Variants in SRGAP3 observed in about 807,000 individuals in gnomAD.
The protein encoded by SRGAP3 is SLIT-ROBO Rho GTPase-activating protein 3.
A neutral mutation model predicts 121.1 loss-of-function variants in SRGAP3; 39 were observed. The observed-to-expected ratio is 0.32, with a 90% CI of 0.25 to 0.42. The LOEUF is 0.42. Ranked by LOEUF, SRGAP3 falls within the 10% of genes least tolerant of loss-of-function variation. The pLI, the probability that SRGAP3 is intolerant of heterozygous loss-of-function variation, is 1.00. For missense variants in SRGAP3, 1,213 were observed against 1,470.6 expected, an observed-to-expected ratio of 0.82 and a Z score of 2.86; for synonymous variants, 601 against 570.0, an observed-to-expected ratio of 1.05 and a Z score of -0.77.
chr3:8,994,309 C>A (rs779319496), intron 19 of SRGAP3, 34 bp downstream of exon 19: 1 of 1,612,338 alleles, frequency 6.2e-7, no homozygotes, highest in Non-Finnish European at 8.5e-7. Context: ...TAATCTATTT[C>A]GGCATTCTTC....
chr3:9,113,423 C>T (rs1397534883), intron 2 of SRGAP3, among the ~76,000 whole-genome samples: 1 of 152,158 alleles, frequency 6.6e-6, no homozygotes, highest in African/African-American at 2.4e-5. Flanking sequence ...TCTCTGTGCC[C>T]AAAGTTCCTT....
At chr3:9,278,312 G>C (rs1338676960) in intron 3 of SRGAP3, among the ~76,000 whole-genome samples, 2 of 152,108 alleles carry the variant, frequency 1.3e-5, no homozygotes, top group African/African-American at 4.8e-5. Context: ...AAAAGCAAGG[G>C]ACAAGAGGCC....
At chr3:9,307,867 G>C (rs1314282854) in intron 3 of SRGAP3, among the ~76,000 whole-genome samples, 1 of 152,178 alleles carries the variant, frequency 6.6e-6, no homozygotes, top group Non-Finnish European at 1.5e-5. Flanking sequence ...AAAAAGTTAG[G>C]CCACAGGCTG....
chr3:9,206,366 A>C (rs1952265807), intron 1 of SRGAP3, among the ~76,000 whole-genome samples: 1 of 152,206 alleles, frequency 6.6e-6, no homozygotes, highest in Admixed American at 6.5e-5. Flanking sequence ...CTGGTGCGGA[A>C]GCTCAGGGAG....
At chr3:9,213,020 G>C (rs986776776) in intron 1 of SRGAP3, among the ~76,000 whole-genome samples, 1 of 152,138 alleles carries the variant, frequency 6.6e-6, no homozygotes, top group African/African-American at 2.4e-5. Flanking sequence ...TCCATGCCGG[G>C]GCAAATTGCT....
chr3:9,276,679 C>T (rs1371744582), intron 3 of SRGAP3, among the ~76,000 whole-genome samples: 2 of 152,200 alleles, frequency 1.3e-5, no homozygotes, highest in Non-Finnish European at 1.5e-5. Flanking sequence ...CCCACCTTGG[C>T]CTCCCAAAGT....
rs112315005 is a variant in SRGAP3 at position 9,008,741 on chromosome 3, C to T, written c.2227+1567G>A. 7.6e-3 allele frequency among the ~76,000 whole-genome samples: 1,150 copies of T among 152,284 alleles called. 21 individuals are homozygous for T. Among genetic ancestry groups the T allele is most frequent in the African/African-American group, 0.027 (1,104 of 41,558 alleles). Reference sequence around the variant, plus strand: ...AGGAGTCTGATCAAGCTGAACGTGACATCTGGATTTGCTTTTCTGTTCCTG... The same window carrying T: ...AGGAGTCTGATCAAGCTGAACGTGATATCTGGATTTGCTTTTCTGTTCCTG... On this transcript the variant is annotated intron_variant, in intron 18 of 21. Coordinates refer to ENST00000383836, the MANE Select transcript of SRGAP3 (RefSeq NM_014850.4).
At chr3:9,072,620 A>C (rs1946772750) in intron 4 of SRGAP3, among the ~76,000 whole-genome samples, 1 of 152,228 alleles carries the variant, frequency 6.6e-6, no homozygotes. Flanking sequence ...CTTCCAGGGC[A>C]CAGTGGCATG....
chr3:9,249,029 GGTAATCA>G lies in SRGAP3; in HGVS notation c.-85_-79del. 7.9e-6 allele frequency: 11 copies of G among 1,398,512 alleles called. No homozygotes were observed. The highest frequency in any genetic ancestry group is 1.0e-5 in the Non-Finnish European group (10 of 985,526). The allele number at this position is 1,398,512 out of a possible 1,614,324, so 86.6% of individuals were successfully genotyped here. A position where few individuals can be genotyped will look rare whatever the true frequency, so the allele number is the denominator to read the frequency against. On this transcript the variant is annotated 5_prime_UTR_variant, in exon 1 of 22. Transcript: ENST00000383836. ...CTTTTCGAGTCCTCTCTCAAGCCCT[GGTAATCA>G]CACAGCTCTGGTCGATTTCACAGGT...
intron 3 of SRGAP3, among the ~76,000 whole-genome samples, chr3:9,093,014 G>A (rs1202144150): frequency 1.3e-5 from 2 of 152,158 alleles, no homozygotes; most frequent in Non-Finnish European, 2.9e-5. Context: ...AACTATGGTT[G>A]AGGGTAAGAT....
chr3:9,065,007 C>T (rs2125211710), intron 4 of SRGAP3, among the ~76,000 whole-genome samples: 1 of 152,308 alleles, frequency 6.6e-6, no homozygotes, highest in South Asian at 2.1e-4. Context: ...GTGACTGTGG[C>T]ATCCCTCCGT....
At chr3:9,132,701 T>C (rs146101999) in intron 1 of SRGAP3, among the ~76,000 whole-genome samples, 1 of 152,340 alleles carries the variant, frequency 6.6e-6, no homozygotes, top group African/African-American at 2.4e-5. Flanking sequence ...AATAAAGCTG[T>C]TATGAACATC....
chr3:9,185,578 C>T (rs1232803035), intron 1 of SRGAP3, among the ~76,000 whole-genome samples: 1 of 151,852 alleles, frequency 6.6e-6, no homozygotes, highest in East Asian at 1.9e-4. Context: ...GTCACCCAGG[C>T]TGGAGTGCAG....
chr3:9,347,575 C>G (rs181623692), intron 1 of SRGAP3, among the ~76,000 whole-genome samples: 1 of 152,288 alleles, frequency 6.6e-6, no homozygotes, highest in African/African-American at 2.4e-5. Context: ...AGCCACTGAC[C>G]TGCAGATTCA....
chr3:9,349,120 G>C (rs2029923024), intron 1 of SRGAP3: 1 of 825,262 alleles, frequency 1.2e-6, no homozygotes, highest in East Asian at 2.6e-5. Context: ...AACCCATACA[G>C]TTCCTGGGGG....
intron 1 of SRGAP3, among the ~76,000 whole-genome samples, chr3:9,221,286 T>G (rs1318348034): frequency 1.3e-5 from 2 of 152,220 alleles, no homozygotes; most frequent in Admixed American, 6.5e-5. Context: ...ATTCCAGCCC[T>G]TTGGGAGGCT....
chr3:9,234,455 T>G (rs1049753253), intron 1 of SRGAP3, among the ~76,000 whole-genome samples: 3 of 152,292 alleles, frequency 2.0e-5, no homozygotes, highest in African/African-American at 7.2e-5. Flanking sequence ...TCCATTCTTT[T>G]GTGTCCCTGA....
intron 3 of SRGAP3, among the ~76,000 whole-genome samples, chr3:9,265,213 A>T (rs1028673447): frequency 6.6e-5 from 10 of 152,338 alleles, no homozygotes; most frequent in African/African-American, 2.2e-4. Context: ...CACCTTATAC[A>T]AAAATTAACT....
rs528939544 is a variant in SRGAP3, at chr3:9,255,830, A to G, written n.442+70180T>C. Among the ~76,000 whole-genome samples the G allele has an allele frequency of 8.5e-5, 13 of 152,296 alleles. No individual in the cohort carries two copies. The South Asian group carries it at 2.5e-3, about 29-fold the overall frequency. On this transcript the variant is annotated intron_variant and non_coding_transcript_variant, in intron 3 of 3. Transcript: ENST00000490889. Reference sequence around the variant, plus strand: ...AAATTATCCAGCCTTGATACTTATAAAGCATCTTCTCATTTAGTATCATGA... The same window carrying G: ...AAATTATCCAGCCTTGATACTTATAGAGCATCTTCTCATTTAGTATCATGA...
Sources: allele counts gnomAD v4.1 joint callset (sites outside exome capture counted in the v4.1 genomes callset), GRCh38; gene constraint gnomAD v4.1.1; transcripts MANE v1.5; gene names NCBI Gene and HGNC (gene_info 2026-07-23, HGNC 2026-07-21).